PPM1L: variants seen among roughly 807,000 people sequenced by gnomAD.
PPM1L encodes the protein protein phosphatase, Mg2+/Mn2+ dependent 1L, also known as protein phosphatase 1L.
PPM1L carries 13 observed loss-of-function variants against 31.4 expected under a neutral mutation model. The ratio of observed to expected loss-of-function variants is 0.41; its 90% CI spans 0.27 to 0.66. The LOEUF (loss-of-function observed/expected upper bound fraction) is 0.66, where lower values mean the gene tolerates loss of function less well. PPM1L is among the 30% of genes least tolerant of loss of function. The pLI is 0.29. For synonymous variants in PPM1L, 184 were observed against 175.4 expected (o/e 1.05, Z -0.39); for missense variants, 326 against 453.7 (o/e 0.72, Z 2.56).
chr3:160,780,932 T>G (rs1035872352), intron 1 of PPM1L, among the ~76,000 whole-genome samples: 1 of 152,242 alleles, frequency 6.6e-6, no homozygotes, highest in Non-Finnish European at 1.5e-5. Context: ...TTGTGGTATT[T>G]TATGAAGAGT....
chr3:160,807,257 G>T (rs774055055), intron 1 of PPM1L, among the ~76,000 whole-genome samples: 2 of 152,098 alleles, frequency 1.3e-5, no homozygotes, highest in Non-Finnish European at 2.9e-5. Flanking sequence ...AAACAAGTAG[G>T]CACCCACCTT....
chr3:160,814,471 G>GTA (rs200883064), intron 1 of PPM1L, among the ~76,000 whole-genome samples: 2 of 148,132 alleles, frequency 1.4e-5, no homozygotes, highest in African/African-American at 5.1e-5. Context: ...ATGATGTGGT[G>GTA]TATATACACA....
At chr3:160,866,573 C>T (rs772764240) in intron 1 of PPM1L, among the ~76,000 whole-genome samples, 1 of 152,108 alleles carries the variant, frequency 6.6e-6, no homozygotes, top group Non-Finnish European at 1.5e-5. Flanking sequence ...ATCACATAAG[C>T]ATCAAATGTC....
rs115758664 is a variant in PPM1L at position 160,929,590 on chromosome 3, C to T, written c.400-32146C>T. Among the ~76,000 whole-genome samples the T allele has an allele frequency of 5.9e-3, 902 of 152,342 alleles. 12 individuals carry two copies. The highest frequency in any genetic ancestry group is 0.02 in the African/African-American group (830 of 41,580). On this transcript the variant is annotated intron_variant, in intron 1 of 3. Coordinates refer to ENST00000498165, the MANE Select transcript of PPM1L (RefSeq NM_139245.4). ...AAGTGTTTAAAGCTGACTCTTCCTG[C>T]TGGTCACTGTGAGTTTCTGCCATGC...
intron 1 of PPM1L, among the ~76,000 whole-genome samples, chr3:160,922,110 A>T (rs1714429099): frequency 6.6e-6 from 1 of 152,146 alleles, no homozygotes; most frequent in Non-Finnish European, 1.5e-5. Context: ...GGAGATCAAG[A>T]CCATCCTGGC....
chr3:160,756,248 G>A lies in PPM1L; in HGVS notation c.-61G>A. Reference sequence around the variant, plus strand: ...GGCGGGCTGTCCCCGCAGTGCTCCCGGACCCGGCGAGCCTTCGGGGCGCGC... The same window carrying A: ...GGCGGGCTGTCCCCGCAGTGCTCCCAGACCCGGCGAGCCTTCGGGGCGCGC... On this transcript the variant is annotated 5_prime_UTR_variant, in exon 1 of 4. Coordinates refer to ENST00000498165, the MANE Select transcript of PPM1L (RefSeq NM_139245.4). The surrounding 1 kb of genome is among the most constrained non-coding windows in gnomAD (Gnocchi z 6.2). The A allele has an allele frequency of 6.4e-7, 1 of 1,552,452 alleles. No individual in the cohort carries two copies. The highest frequency in any genetic ancestry group is 1.2e-5 in the South Asian group (1 of 81,454).
At chr3:160,956,641 T>C (rs1271095255) in intron 1 of PPM1L, among the ~76,000 whole-genome samples, 1 of 152,274 alleles carries the variant, frequency 6.6e-6, no homozygotes, top group Non-Finnish European at 1.5e-5. Flanking sequence ...TAAAGCCTCA[T>C]ACAGCTTTAA....
intron 1 of PPM1L, among the ~76,000 whole-genome samples, chr3:160,910,229 T>C (rs1713910919): frequency 1.3e-5 from 1 of 74,506 alleles, no homozygotes; most frequent in African/African-American, 5.5e-5. Flanking sequence ...CCCCTTTCCT[T>C]TCCCCTTCCC....
At chr3:160,795,563 C>T (rs1174062895) in intron 1 of PPM1L, among the ~76,000 whole-genome samples, 1 of 152,190 alleles carries the variant, frequency 6.6e-6, no homozygotes, top group Middle Eastern at 3.2e-3. Flanking sequence ...AGTGCCTCAT[C>T]ACCAACCTCA....
chr3:160,770,712 C>T (rs1173119537), intron 1 of PPM1L, among the ~76,000 whole-genome samples: 1 of 152,182 alleles, frequency 6.6e-6, no homozygotes, highest in Non-Finnish European at 1.5e-5. Context: ...AAAGACCTAA[C>T]CAGATATGCT....
At chr3:160,804,637 T>G (rs1410921678) in intron 1 of PPM1L, among the ~76,000 whole-genome samples, 1 of 152,262 alleles carries the variant, frequency 6.6e-6, no homozygotes, top group African/African-American at 2.4e-5. Flanking sequence ...TAGAATTTTA[T>G]TTTTCCCTAA....
chr3:161,074,363 A>G lies in PPM1L; in HGVS notation c.*5206A>G, dbSNP rs939453830. ...GCTGCAGAAATAGGTTTGGGAAGCT[A>G]TGAGAGATTACCCCAAAGTCATGGA... On this transcript the variant is annotated 3_prime_UTR_variant, in exon 4 of 4. Coordinates refer to ENST00000498165, the MANE Select transcript of PPM1L (RefSeq NM_139245.4). 5 of 152,240 alleles carry G rather than the reference A, an allele frequency of 3.3e-5. No homozygotes were observed. The highest frequency in any genetic ancestry group is 1.2e-4 in the African/African-American group (5 of 41,456). 9.4% of individuals were successfully genotyped at this position (152,240 alleles called of 1,614,324 possible).
At position 161,077,477 on chromosome 3, in the gene PPM1L, GAGA is replaced by G. The variant is rs1489720861; in HGVS notation, c.*8323_*8325del. ...GGTTGTCCAGATCTTTCTAGGGGAA[GAGA>G]AGGATTATAGAAAAGGAGAAAAGGG... On this transcript the variant is annotated 3_prime_UTR_variant, in exon 4 of 4. Coordinates refer to ENST00000498165, the MANE Select transcript of PPM1L (RefSeq NM_139245.4). 1.3e-5 allele frequency: 2 copies of G among 152,288 alleles called. No individual in the cohort carries two copies. Among genetic ancestry groups the G allele is most frequent in the Non-Finnish European group, 2.9e-5 (2 of 68,102 alleles). 9.4% of individuals were successfully genotyped at this position (152,288 alleles called of 1,614,324 possible). A position where few individuals can be genotyped will look rare whatever the true frequency, so the allele number is the denominator to read the frequency against.
chr3:160,813,883 T>G (rs1712888186), intron 1 of PPM1L, among the ~76,000 whole-genome samples: 1 of 152,198 alleles, frequency 6.6e-6, no homozygotes, highest in African/African-American at 2.4e-5. Context: ...ACGTTTTACA[T>G]CTACTTTATT....
intron 2 of PPM1L, among the ~76,000 whole-genome samples, chr3:161,050,990 TAC>T (rs1719256812): frequency 6.6e-6 from 1 of 152,242 alleles, no homozygotes; most frequent in Admixed American, 6.5e-5. Flanking sequence ...GGTTTTATTC[TAC>T]AGATTGCTTC....
intron 2 of PPM1L, among the ~76,000 whole-genome samples, chr3:160,976,969 G>T (rs1007928858): frequency 2.6e-5 from 4 of 152,066 alleles, no homozygotes; most frequent in African/African-American, 9.7e-5. Flanking sequence ...TGATGTTAGG[G>T]TGTCAATTTT....
chr3:160,830,888 G>T (rs138110085), intron 1 of PPM1L, among the ~76,000 whole-genome samples: 2,170 of 152,286 alleles, frequency 0.014, 29 homozygotes, highest in Middle Eastern at 0.031. Flanking sequence ...ACTATTTAAA[G>T]CAGCTTTCTA....
intron 2 of PPM1L, among the ~76,000 whole-genome samples, chr3:160,963,539 T>A (rs970376140): frequency 6.6e-6 from 1 of 152,082 alleles, no homozygotes; most frequent in Non-Finnish European, 1.5e-5. Context: ...TTATTAAAGT[T>A]AAGATGAAAT....
intron 1 of PPM1L, among the ~76,000 whole-genome samples, chr3:160,956,382 T>C (rs1034271986): frequency 6.6e-6 from 1 of 152,236 alleles, no homozygotes; most frequent in African/African-American, 2.4e-5. Flanking sequence ...ACCTGTGAAC[T>C]TTTTTGCACT....
Sources: allele counts gnomAD v4.1 joint callset (sites outside exome capture counted in the v4.1 genomes callset), GRCh38; gene constraint gnomAD v4.1.1; non-coding constraint Gnocchi (gnomAD v3.1); transcripts MANE v1.5; gene names NCBI Gene and HGNC (gene_info 2026-07-23, HGNC 2026-07-21).